TRIM67: variants seen among roughly 807,000 people sequenced by gnomAD.
The protein encoded by TRIM67 is tripartite motif-containing protein 67.
Under a neutral mutation model 71.0 loss-of-function variants are expected in TRIM67, and 39 were observed. That is an observed-to-expected ratio of 0.55 (90% CI 0.43 to 0.72). The LOEUF (loss-of-function observed/expected upper bound fraction) is 0.72, where lower values mean the gene tolerates loss of function less well. Ranked by LOEUF, TRIM67 falls within the 30% of genes least tolerant of loss-of-function variation. TRIM67 has a pLI of 0.00. For synonymous variants in TRIM67, 481 were observed against 473.9 expected (o/e 1.01, Z -0.19); for missense variants, 973 against 1,079.2 (o/e 0.90, Z 1.38).
At chr1:231,197,260 C>G in intron 1 of TRIM67, 111 bp from the exon 2 acceptor site, 1 of 758,272 alleles carries the variant, frequency 1.3e-6, no homozygotes, top group South Asian at 1.7e-5. Flanking sequence ...ACAGCAGATG[C>G]GTGGGATCAG....
chr1:231,175,612 G>A (rs148402472), intron 1 of TRIM67, among the ~76,000 whole-genome samples: 39 of 152,306 alleles, frequency 2.6e-4, no homozygotes, highest in Non-Finnish European at 4.3e-4. Context: ...TGAGCTTAGC[G>A]AACCCCAATC....
chr1:231,163,678 A>C lies in TRIM67; in HGVS notation c.709A>C (p.Lys237Gln). 6.6e-7 allele frequency: 1 copy of C among 1,514,848 alleles called. No homozygotes were observed. The highest frequency in any genetic ancestry group is 8.8e-7 in the Non-Finnish European group (1 of 1,133,068). The allele number at this position is 1,514,848 out of a possible 1,614,324, so 93.8% of individuals were successfully genotyped here. A position where few individuals can be genotyped will look rare whatever the true frequency, so the allele number is the denominator to read the frequency against. Reference sequence around the variant, plus strand: ...CCTCTACTGCTCTGCCTGCCAGCTCAAGTGCCATCCATCCCGGGGACCCTT... The same window carrying C: ...CCTCTACTGCTCTGCCTGCCAGCTCCAGTGCCATCCATCCCGGGGACCCTT... ...DVLYCSACQL[K>Q]CHPSRGPFAK... is the part of the protein sequence containing the mutation. Residue 237 changes from lysine (K) to glutamine (Q), a missense_variant, in exon 1 of 10, where the codon AAG becomes CAG. Lys to Gln is a moderately conservative substitution (Grantham distance 53). This residue lies in a region of TRIM67 where 795 missense variants were observed against 831.3 expected (regional missense o/e 0.96). Coordinates refer to ENST00000366653, the MANE Select transcript of TRIM67 (RefSeq NM_001004342.5).
At chr1:231,168,945 A>G (rs966029113) in intron 1 of TRIM67, among the ~76,000 whole-genome samples, 1 of 152,242 alleles carries the variant, frequency 6.6e-6, no homozygotes, top group South Asian at 2.1e-4. Flanking sequence ...ACTTGCTGCC[A>G]ACTTTAAGCA....
At position 231,215,570 on chromosome 1, in the gene TRIM67, G is replaced by C; in HGVS notation, c.*130G>C. 2.1e-6 allele frequency: 3 copies of C among 1,433,868 alleles called. No homozygotes were observed. The South Asian group carries it at 4.5e-5, about 21-fold the overall frequency. 88.8% of individuals were successfully genotyped at this position (1,433,868 alleles called of 1,614,324 possible). Reference sequence around the variant, plus strand: ...CATGGGTGCAACCTGGCAGCGTGGAGTGTCATAGAAACACATTTTCTTGGG... The same window carrying C: ...CATGGGTGCAACCTGGCAGCGTGGACTGTCATAGAAACACATTTTCTTGGG... On this transcript the variant is annotated 3_prime_UTR_variant, in exon 10 of 10. Coordinates refer to ENST00000366653, the MANE Select transcript of TRIM67 (RefSeq NM_001004342.5).
In TRIM67 at chr1:231,219,970, T is replaced by C; in HGVS notation, c.*4530T>C. ...TCTTTTAACCTGGCTTTAATAGTGATTCATGGTATGAGTGGGGGCCAATCT... is the reference window on the plus strand; with the variant it reads ...TCTTTTAACCTGGCTTTAATAGTGACTCATGGTATGAGTGGGGGCCAATCT... On this transcript the variant is annotated 3_prime_UTR_variant, in exon 10 of 10. Coordinates refer to ENST00000366653, the MANE Select transcript of TRIM67 (RefSeq NM_001004342.5). 1.6e-6 allele frequency: 2 copies of C among 1,289,566 alleles called. No homozygotes were observed. Among genetic ancestry groups the C allele is most frequent in the South Asian group, 2.5e-5 (2 of 81,026 alleles). The allele number at this position is 1,289,566 out of a possible 1,614,324, so 79.9% of individuals were successfully genotyped here.
chr1:231,196,990 G>C (rs1426120293), intron 1 of TRIM67, among the ~76,000 whole-genome samples: 1 of 152,146 alleles, frequency 6.6e-6, no homozygotes, highest in Non-Finnish European at 1.5e-5. Flanking sequence ...CTGACCTGGG[G>C]TCTGGAATGT....
At chr1:231,173,828 A>T (rs1184524079) in intron 1 of TRIM67, among the ~76,000 whole-genome samples, 1 of 152,154 alleles carries the variant, frequency 6.6e-6, no homozygotes, top group Non-Finnish European at 1.5e-5. Context: ...TGGAGGCAGG[A>T]TGTGTAATTA....
At chr1:231,175,264 G>C (rs1032588904) in intron 1 of TRIM67, among the ~76,000 whole-genome samples, 20 of 152,222 alleles carry the variant, frequency 1.3e-4, no homozygotes, top group Admixed American at 3.3e-4. Context: ...CTCCCCAGCA[G>C]GGTTCTACAC....
chr1:231,204,767 G>A (rs528275803), intron 6 of TRIM67, among the ~76,000 whole-genome samples: 18 of 152,264 alleles, frequency 1.2e-4, no homozygotes, highest in South Asian at 4.2e-4. Context: ...AACAACACTC[G>A]CATCTCTTCT....
In TRIM67 at chr1:231,199,134, AC is replaced by A; in HGVS notation, c.1230del (p.Lys411ArgfsTer2). 1 of 1,614,000 alleles carries A rather than the reference AC, an allele frequency of 6.2e-7. No homozygotes were observed. The part of the protein sequence containing the change: ...ALTRQKAKLL[T>X]KVTKEREHKL... The stretch of plus-strand genomic sequence containing the variant: ...AACTCGTCAGAAAGCCAAGCTGCTC[AC>A]CAAGGTGACTAAAGAGAGGGAACAC... On this transcript the variant is annotated frameshift_variant, in exon 3 of 10. Coordinates refer to ENST00000366653, the MANE Select transcript of TRIM67 (RefSeq NM_001004342.5). LOFTEE classifies it high-confidence loss of function.
chr1:231,198,436 T>C (rs1451428796), intron 2 of TRIM67, among the ~76,000 whole-genome samples: 3 of 152,076 alleles, frequency 2.0e-5, no homozygotes, highest in Admixed American at 6.5e-5. Flanking sequence ...GCCCAGGCTA[T>C]AGTGCAATGG....
At position 231,162,354 on chromosome 1, in the gene TRIM67, C is replaced by T. The variant is rs1231253244; in HGVS notation, c.-616C>T. On this transcript the variant is annotated 5_prime_UTR_variant, in exon 1 of 10. Transcript: ENST00000366653. ...CGAGGTGGCCGCGGCCCCAGCGACCCGGCGGGTGGCGGCCCAGGGGTCGGC... is the reference window on the plus strand; with the variant it reads ...CGAGGTGGCCGCGGCCCCAGCGACCTGGCGGGTGGCGGCCCAGGGGTCGGC... The T allele has an allele frequency of 1.3e-5, 2 of 152,150 alleles. No homozygotes were observed. The highest frequency in any genetic ancestry group is 4.8e-5 in the African/African-American group (2 of 41,454). 9.4% of individuals were successfully genotyped at this position (152,150 alleles called of 1,614,324 possible). A position where few individuals can be genotyped will look rare whatever the true frequency, so the allele number is the denominator to read the frequency against.
Position 231,220,521 on chromosome 1 carries a change from C to T in TRIM67, c.*5081C>T, listed in dbSNP as rs975202634. ...ATCTCACAGCTTGCCTCCTTTGTTT[C>T]GAGGGGTCTCTGCAGTGTGAATGGG... On this transcript the variant is annotated 3_prime_UTR_variant, in exon 10 of 10. Transcript: ENST00000366653. The T allele has an allele frequency of 3.3e-5, 5 of 153,134 alleles. No individual in the cohort carries two copies. The highest frequency in any genetic ancestry group is 1.3e-4 in the Admixed American group (2 of 15,364). The allele number at this position is 153,134 out of a possible 1,614,324, so 9.5% of individuals were successfully genotyped here. A position where few individuals can be genotyped will look rare whatever the true frequency, so the allele number is the denominator to read the frequency against.
Position 231,166,696 on chromosome 1 carries a change from A to T in TRIM67, c.1044+2683A>T, listed in dbSNP as rs530020978. Among the ~76,000 whole-genome samples, 67 of 152,354 alleles carry T rather than the reference A, an allele frequency of 4.4e-4. 1 individual carries two copies. The South Asian group carries it at 0.013, about 30-fold the overall frequency. On this transcript the variant is annotated intron_variant, in intron 1 of 9. Coordinates refer to ENST00000366653, the MANE Select transcript of TRIM67 (RefSeq NM_001004342.5). ...TTTAATTTTTCTCTGGTGTTACTGC[A>T]GCTTACCTTCTGATTAGTGATTCTT...
rs764912147 is a variant in TRIM67, at chr1:231,216,262, G to A, written c.*822G>A. ...TCCCTGCCTCTTTCTTCCCTCTTTCGCTCTCTTTCCCTCCCTCCTTCTCTC... is the reference window on the plus strand; with the variant it reads ...TCCCTGCCTCTTTCTTCCCTCTTTCACTCTCTTTCCCTCCCTCCTTCTCTC... On this transcript the variant is annotated 3_prime_UTR_variant, in exon 10 of 10. Transcript: ENST00000366653. The A allele has an allele frequency of 5.7e-5, 55 of 971,134 alleles. No homozygotes were observed. The highest frequency in any genetic ancestry group is 5.8e-5 in the Non-Finnish European group (48 of 822,332). 60.2% of individuals were successfully genotyped at this position (971,134 alleles called of 1,614,324 possible).
chr1:231,164,260 C>A (rs1473763545), intron 1 of TRIM67, among the ~76,000 whole-genome samples: 3 of 152,196 alleles, frequency 2.0e-5, no homozygotes, highest in Non-Finnish European at 1.5e-5. Context: ...CCCACCCACC[C>A]GAGGTTTTAG....
intron 1 of TRIM67, among the ~76,000 whole-genome samples, chr1:231,186,913 C>G (rs1683094148): frequency 6.6e-6 from 1 of 152,172 alleles, no homozygotes; most frequent in Admixed American, 6.5e-5. Flanking sequence ...CTCAGGCTGT[C>G]TGGGCAGCTT....
chr1:231,195,869 C>G (rs1683355772), intron 1 of TRIM67, among the ~76,000 whole-genome samples: 2 of 152,254 alleles, frequency 1.3e-5, no homozygotes, highest in Admixed American at 6.5e-5. Context: ...AGACGGTGCA[C>G]TTCAACAAAT....
intron 1 of TRIM67, among the ~76,000 whole-genome samples, chr1:231,170,883 G>C (rs1210981233): frequency 1.3e-5 from 2 of 152,146 alleles, no homozygotes; most frequent in South Asian, 4.1e-4. Context: ...CTCTCCTTTA[G>C]ATTGCAGCCT....
Sources: gnomAD v4.1 joint callset for allele counts (sites outside exome capture counted in the v4.1 genomes callset) on GRCh38, gnomAD v4.1.1 for gene constraint, gnomAD v4.1.1 regional missense constraint, MANE v1.5 for transcripts, NCBI Gene and HGNC (gene_info 2026-07-23, HGNC 2026-07-21) for gene names.